ARB2A: variants seen among roughly 807,000 people sequenced by gnomAD.
ARB2A encodes cotranscriptional regulator ARB2A.
chr5:93,621,601 G>C, the ARB2A span, among the ~76,000 whole-genome samples: 1 of 152,240 alleles, frequency 6.6e-6, no homozygotes, highest in Non-Finnish European at 1.5e-5. Context: ...CGCGCGCGGG[G>C]ATTGGTTTCC....
At chr5:94,031,091 G>A in the ARB2A span, among the ~76,000 whole-genome samples, 1 of 152,180 alleles carries the variant, frequency 6.6e-6, no homozygotes, top group Non-Finnish European at 1.5e-5. Flanking sequence ...ACTGGTACTG[G>A]GTAGTGAGGT....
At chr5:93,986,003 G>C in the ARB2A span, among the ~76,000 whole-genome samples, 21 of 145,426 alleles carry the variant, frequency 1.4e-4, no homozygotes, top group African/African-American at 3.9e-4. Flanking sequence ...GCCGCCTATC[G>C]TCTGGGATGT....
At chr5:93,851,950 G>C in the ARB2A span, among the ~76,000 whole-genome samples, 24 of 152,124 alleles carry the variant, frequency 1.6e-4, no homozygotes, top group South Asian at 1.4e-3. Flanking sequence ...ATGATTTATA[G>C]TCCTTTGTGT....
chr5:94,041,127 T>A, the ARB2A span, among the ~76,000 whole-genome samples: 1 of 151,934 alleles, frequency 6.6e-6, no homozygotes, highest in Admixed American at 6.6e-5. Flanking sequence ...TGCAAACCGG[T>A]TGAATAAACG....
the ARB2A span, among the ~76,000 whole-genome samples, chr5:93,829,796 A>G: frequency 2.0e-5 from 3 of 152,322 alleles, no homozygotes; most frequent in East Asian, 1.9e-4. Flanking sequence ...TTTATCTTTC[A>G]TTAGTTTAAA....
At chr5:93,987,822 G>C in the ARB2A span, among the ~76,000 whole-genome samples, 1 of 152,136 alleles carries the variant, frequency 6.6e-6, no homozygotes, top group Non-Finnish European at 1.5e-5. Flanking sequence ...TAGAGAATCA[G>C]ACTTGTATGT....
chr5:93,695,801 A>G, the ARB2A span, among the ~76,000 whole-genome samples: 2 of 152,218 alleles, frequency 1.3e-5, no homozygotes. Flanking sequence ...CCCATCAGTG[A>G]CAGAGTGGAT....
chr5:93,781,396 T>C, the ARB2A span, among the ~76,000 whole-genome samples: 2 of 152,194 alleles, frequency 1.3e-5, no homozygotes, highest in Non-Finnish European at 2.9e-5. Context: ...TATATACATA[T>C]ATTTAGATAT....
chr5:93,775,021 T>C, the ARB2A span, among the ~76,000 whole-genome samples: 1 of 152,122 alleles, frequency 6.6e-6, no homozygotes, highest in South Asian at 2.1e-4. Context: ...CATATATACA[T>C]ATGTGCATGA....
At chr5:93,792,377 TTAGA>T in the ARB2A span, among the ~76,000 whole-genome samples, 23 of 151,936 alleles carry the variant, frequency 1.5e-4, no homozygotes, top group African/African-American at 2.7e-4. Context: ...TGACACAGTC[TTAGA>T]TAGAAAAGTG....
chr5:94,052,219 C>G, the ARB2A span, among the ~76,000 whole-genome samples: 21 of 152,168 alleles, frequency 1.4e-4, no homozygotes, highest in African/African-American at 5.1e-4. Flanking sequence ...AGGGGTATTC[C>G]CGGGGTAATC....
chr5:93,768,195 G>A, the ARB2A span, among the ~76,000 whole-genome samples: 3 of 151,438 alleles, frequency 2.0e-5, no homozygotes, highest in African/African-American at 4.9e-5. Flanking sequence ...GGGGACTTGG[G>A]GGGGAAGAGT....
At chr5:93,937,865 AGTT>A in the ARB2A span, among the ~76,000 whole-genome samples, 1 of 152,186 alleles carries the variant, frequency 6.6e-6, no homozygotes, top group Non-Finnish European at 1.5e-5. Flanking sequence ...CAATGTAAAC[AGTT>A]GTTATACTAT....
chr5:93,690,586 T>G, the ARB2A span, among the ~76,000 whole-genome samples: 1 of 152,116 alleles, frequency 6.6e-6, no homozygotes, highest in South Asian at 2.1e-4. Context: ...CCCATCTCCC[T>G]GGGACATAGC....
At chr5:93,794,851 G>A in the ARB2A span, among the ~76,000 whole-genome samples, 1 of 152,156 alleles carries the variant, frequency 6.6e-6, no homozygotes, top group Non-Finnish European at 1.5e-5. Flanking sequence ...AGGGTCCTTG[G>A]TTGTGTTTTG....
the ARB2A span, among the ~76,000 whole-genome samples, chr5:93,946,308 CAG>C: frequency 3.9e-5 from 6 of 151,986 alleles, no homozygotes; most frequent in Admixed American, 3.9e-4. Flanking sequence ...AAGACTGAAA[CAG>C]AGTCCACAGG....
chr5:93,639,606 A>C, the ARB2A span, among the ~76,000 whole-genome samples: 1 of 152,212 alleles, frequency 6.6e-6, no homozygotes, highest in Admixed American at 6.5e-5. Flanking sequence ...ATGTTATAGA[A>C]GTAGTAAATT....
chr5:93,709,226 A>G, the ARB2A span, among the ~76,000 whole-genome samples: 3 of 152,192 alleles, frequency 2.0e-5, no homozygotes, highest in African/African-American at 7.2e-5. Flanking sequence ...CCTCAATGAA[A>G]TCATAAGGTC....
At chr5:94,053,791 A>G in the ARB2A span, among the ~76,000 whole-genome samples, 110 of 152,200 alleles carry the variant, frequency 7.2e-4, no homozygotes, top group East Asian at 1.4e-3. Flanking sequence ...TTTTGAGATG[A>G]GGTCTCACTC....
Sources: allele counts gnomAD v4.1 joint callset (sites outside exome capture counted in the v4.1 genomes callset), GRCh38; gene constraint gnomAD v4.1.1; transcripts MANE v1.5; gene names NCBI Gene and HGNC (gene_info 2026-07-23, HGNC 2026-07-21).